The following PKD1L3 variants were observed in gnomAD, a reference collection of about 807,000 sequenced individuals.
PKD1L3 encodes the protein polycystin-1-like protein 3.
A neutral mutation model predicts 184.1 loss-of-function variants in PKD1L3; 239 were observed. The observed-to-expected ratio is 1.30, with a 90% CI of 1.17 to 1.45. The LOEUF (loss-of-function observed/expected upper bound fraction) is 1.45. Ranked by LOEUF, PKD1L3 falls within the 40% of genes most tolerant of loss-of-function variation. The pLI is 0.00. For synonymous variants in PKD1L3, 996 were observed against 778.8 expected (o/e 1.28, Z -4.64); for missense variants, 2,660 against 2,067.2 (o/e 1.29, Z -5.56).
In PKD1L3 at chr16:71,963,736, T is replaced by C. The variant is rs187819972; in HGVS notation, c.2466-385A>G. The stretch of plus-strand genomic sequence containing the variant: ...AGGTCAAGGCTGCAGTGAGTTGAAA[T>C]TGCACCACTGCATTCTAGCTTGGGT... On this transcript the variant is annotated intron_variant, in intron 15 of 29. Coordinates refer to ENST00000620267, the MANE Select transcript of PKD1L3 (RefSeq NM_181536.2). Among the ~76,000 whole-genome samples the C allele has an allele frequency of 3.9e-3, 587 of 152,098 alleles. 2 individuals are homozygous for C. Among genetic ancestry groups the C allele is most frequent in the Non-Finnish European group, 5.2e-3 (352 of 67,998 alleles).
intron 7 of PKD1L3, among the ~76,000 whole-genome samples, chr16:71,980,640 C>G (rs993819612): frequency 6.6e-6 from 1 of 152,076 alleles, no homozygotes; most frequent in South Asian, 2.1e-4. Flanking sequence ...TTGAGACCTA[C>G]CTGGCCGACA....
rs759825262 is a variant in PKD1L3, at chr16:71,933,327, AGT to A, written c.4926+91_4926+92del. On this transcript the variant is annotated intron_variant, in intron 28 of 29. Transcript: ENST00000620267. ...AAATTTTCCCCCTTTTCCAGTGTGC[AGT>A]GTACAGTAGGGGGCTGTTTTCATAA... is the stretch of plus-strand genomic sequence containing the variant. 9.1e-4 allele frequency: 798 copies of A among 878,100 alleles called. 2 individuals are homozygous for A. The highest frequency in any genetic ancestry group is 1.4e-3 in the Non-Finnish European group (730 of 535,764). The allele number at this position is 878,100 out of a possible 1,614,324, so 54.4% of individuals were successfully genotyped here.
Position 71,984,167 on chromosome 16 carries a change from C to T in PKD1L3, c.835G>A (p.Val279Ile), listed in dbSNP as rs534903002. Residue 279 changes from valine (V) to isoleucine (I), a missense_variant and splice_region_variant, in exon 6 of 30, where the codon GTC becomes ATC. Physicochemically the swap from Val to Ile is conservative, Grantham distance 29. Transcript: ENST00000620267. ...AAGTTCCCTGCTATCTCATCTATGACCTATTGGGAACAAAGAAGTTGTCAA... is the reference window on the plus strand; with the variant it reads ...AAGTTCCCTGCTATCTCATCTATGATCTATTGGGAACAAAGAAGTTGTCAA... ...QVSLQKASGQ[V>I]IDEIAGNFSR... The T allele has an allele frequency of 1.9e-6, 3 of 1,550,992 alleles. No individual in the cohort carries two copies. The highest frequency in any genetic ancestry group is 1.2e-5 in the South Asian group (1 of 84,038).
At chr16:71,997,912 C>A (rs2040850303) in intron 2 of PKD1L3, among the ~76,000 whole-genome samples, 1 of 152,182 alleles carries the variant, frequency 6.6e-6, no homozygotes, top group South Asian at 2.1e-4. Context: ...CTTCCTCTGC[C>A]TTATTCTCTT....
Position 71,991,580 on chromosome 16 carries a change from T to C in PKD1L3, c.536-1251A>G, listed in dbSNP as rs140391289. On this transcript the variant is annotated intron_variant, in intron 3 of 29. Coordinates refer to ENST00000620267, the MANE Select transcript of PKD1L3 (RefSeq NM_181536.2). ...GCTCTCCTAACAACAAAAAGGGTGA[T>C]AAATACGAAACCATTCTTTTTCATT... 2.9e-4 allele frequency among the ~76,000 whole-genome samples: 44 copies of C among 152,250 alleles called. No homozygotes were observed. The East Asian group carries it at 7.9e-3, about 27-fold the overall frequency.
At chr16:71,991,167 C>G (rs2040575941) in intron 3 of PKD1L3, 2 of 193,922 alleles carry the variant, frequency 1.0e-5, no homozygotes, top group South Asian at 2.1e-4. Flanking sequence ...ACCCAGCATG[C>G]CTGTTCTCCA....
chr16:71,942,717 G>T lies in PKD1L3; in HGVS notation c.4167C>A (p.Gly1389=). The T allele has an allele frequency of 1.9e-6, 3 of 1,551,690 alleles. No homozygotes were observed. Among genetic ancestry groups the T allele is most frequent in the Non-Finnish European group, 2.6e-6 (3 of 1,147,000 alleles). ...GGCTCTTGGGACGCCCACAGGTATG[G>T]CCGTTATCACAAAACGCCAGCTGAC... The part of the protein sequence containing the change: ...DEGQLAFCDN[G]HTCGRPKSLF... The change falls in exon 24 of 30, where the codon GGC becomes GGA. Residue 1389 remains glycine, a synonymous_variant. Coordinates refer to ENST00000620267, the MANE Select transcript of PKD1L3 (RefSeq NM_181536.2).
At chr16:71,940,135 A>G (rs1392774631) in intron 24 of PKD1L3, among the ~76,000 whole-genome samples, 1 of 151,010 alleles carries the variant, frequency 6.6e-6, no homozygotes, top group East Asian at 2.0e-4. Flanking sequence ...TATATAAACA[A>G]CAACTAGATT....
At chr16:71,997,098 T>C (rs1370043841) in intron 2 of PKD1L3, among the ~76,000 whole-genome samples, 1 of 152,014 alleles carries the variant, frequency 6.6e-6, no homozygotes, top group Non-Finnish European at 1.5e-5. Flanking sequence ...GGAAACAGTA[T>C]GACTGCTATG....
chr16:71,984,138 G>A lies in PKD1L3; in HGVS notation c.864C>T (p.Ser288=). The stretch of plus-strand genomic sequence containing the variant: ...GAGCTTGCAAACCATGAACTGCTCT[G>A]CTGAAGTTCCCTGCTATCTCATCTA... ...QVIDEIAGNF[S]RAVHGLQALN... is the part of the protein sequence containing the mutation. The change falls in exon 6 of 30, where the codon AGC becomes AGT. Residue 288 remains serine, a synonymous_variant. Transcript: ENST00000620267. 1 of 1,551,754 alleles carries A rather than the reference G, an allele frequency of 6.4e-7. No homozygotes were observed. Among genetic ancestry groups the A allele is most frequent in the Non-Finnish European group, 8.7e-7 (1 of 1,146,910 alleles).
intron 3 of PKD1L3, among the ~76,000 whole-genome samples, chr16:71,991,825 A>T (rs1476325655): frequency 6.6e-6 from 1 of 152,202 alleles, no homozygotes; most frequent in Non-Finnish European, 1.5e-5. Flanking sequence ...ATTACAAAAA[A>T]CTTTTACAAG....
intron 2 of PKD1L3, among the ~76,000 whole-genome samples, chr16:71,995,140 T>G (rs1467859659): frequency 6.6e-6 from 1 of 152,162 alleles, no homozygotes; most frequent in Non-Finnish European, 1.5e-5. Flanking sequence ...AAGAAGGCAC[T>G]GGCACTTGGA....
In PKD1L3 at chr16:71,935,293, G is replaced by A. The variant is rs527486104; in HGVS notation, c.4613+65C>T. ...TGGTAGGGGAGTTTGAAGAATACTT[G>A]TGTATAAACAGGAAACTTTAGACAT... is the stretch of plus-strand genomic sequence containing the variant. On this transcript the variant is annotated intron_variant, in intron 26 of 29. Coordinates refer to ENST00000620267, the MANE Select transcript of PKD1L3 (RefSeq NM_181536.2). The A allele has an allele frequency of 2.8e-6, 4 of 1,449,524 alleles. No individual in the cohort carries two copies. In the African/African-American group the frequency reaches 4.3e-5, roughly 15 times the overall value. The allele number at this position is 1,449,524 out of a possible 1,614,324, so 89.8% of individuals were successfully genotyped here.
In PKD1L3 at chr16:71,999,915, C is replaced by G. The variant is rs2040912049; in HGVS notation, c.64G>C (p.Glu22Gln). 1 of 1,551,304 alleles carries G rather than the reference C, an allele frequency of 6.4e-7. No individual in the cohort carries two copies. The highest frequency in any genetic ancestry group is 2.0e-5 in the Admixed American group (1 of 50,962). The change falls in exon 1 of 30, where the codon GAG becomes CAG. Residue 22 changes from glutamate (E) to glutamine (Q), a missense_variant. Transcript: ENST00000620267. ...CCATGTGGTGCTGGGCTGTTTAGCTCACTTCCTAGAATAATACTTGTTCTG... is the reference window on the plus strand; with the variant it reads ...CCATGTGGTGCTGGGCTGTTTAGCTGACTTCCTAGAATAATACTTGTTCTG... Reference protein sequence around the residue: ...YIRTSIILGSELNSPAPHGQN... With the variant: ...YIRTSIILGSQLNSPAPHGQN...
chr16:71,993,556 G>C (rs1004458222), intron 2 of PKD1L3, among the ~76,000 whole-genome samples: 1 of 152,160 alleles, frequency 6.6e-6, no homozygotes, highest in Non-Finnish European at 1.5e-5. Context: ...TCAACACTGA[G>C]AAGTTCATTA....
At chr16:71,958,809 G>A (rs1394921110) in intron 16 of PKD1L3, among the ~76,000 whole-genome samples, 6 of 137,496 alleles carry the variant, frequency 4.4e-5, no homozygotes, top group Non-Finnish European at 7.7e-5. Context: ...AAAAAAAGTC[G>A]GGCACGGTGG....
At chr16:71,948,351 G>A (rs930401246) in intron 21 of PKD1L3, among the ~76,000 whole-genome samples, 2 of 152,108 alleles carry the variant, frequency 1.3e-5, no homozygotes, top group Non-Finnish European at 2.9e-5. Flanking sequence ...CCAAAGTGCT[G>A]GGTTTACAGG....
rs183537632 is a variant in PKD1L3, at chr16:71,942,434, A to G, written c.4324+126T>C. ...AACACTTTTGGAGATGTAAGTCTCC[A>G]ACAAATTTACCTCTCTTGTACTCTT... On this transcript the variant is annotated intron_variant, in intron 24 of 29. Coordinates refer to ENST00000620267, the MANE Select transcript of PKD1L3 (RefSeq NM_181536.2). 1.6e-3 allele frequency: 1,206 copies of G among 772,786 alleles called. 2 individuals carry two copies. The highest frequency in any genetic ancestry group is 1.9e-3 in the Non-Finnish European group (906 of 487,436). The allele number at this position is 772,786 out of a possible 1,614,324, so 47.9% of individuals were successfully genotyped here. A position where few individuals can be genotyped will look rare whatever the true frequency, so the allele number is the denominator to read the frequency against.
intron 1 of PKD1L3, among the ~76,000 whole-genome samples, chr16:71,999,092 A>C (rs1030762276): frequency 6.6e-6 from 1 of 151,996 alleles, no homozygotes; most frequent in African/African-American, 2.4e-5. Flanking sequence ...TAACACAGTG[A>C]AACCCCGTCT....
Sources: gnomAD v4.1 joint callset for allele counts (sites outside exome capture counted in the v4.1 genomes callset) on GRCh38, gnomAD v4.1.1 for gene constraint, MANE v1.5 for transcripts, NCBI Gene and HGNC (gene_info 2026-07-23, HGNC 2026-07-21) for gene names.